The following GPRASP3 variants were observed in gnomAD, a reference collection of about 807,000 sequenced individuals.
GPRASP3 encodes G protein-coupled receptor associated sorting protein family member 3.
the GPRASP3 span, among the ~76,000 whole-genome samples, chrX:102,736,586 TC>T: frequency 1.8e-4 from 20 of 111,297 alleles, no homozygotes; most frequent in East Asian, 5.1e-3. Flanking sequence ...GGATCCTGAA[TC>T]CCCAAAAGAG....
the GPRASP3 span, among the ~76,000 whole-genome samples, chrX:102,735,651 G>A: frequency 2.7e-5 from 3 of 111,204 alleles, no homozygotes; most frequent in Non-Finnish European, 5.7e-5. Context: ...CTTGTGATCC[G>A]CCTGCCTCGG....
At chrX:102,730,641 G>C in the GPRASP3 span, among the ~76,000 whole-genome samples, 9 of 111,711 alleles carry the variant, frequency 8.1e-5, no homozygotes, top group African/African-American at 2.9e-4. Context: ...GCAGGCTAGA[G>C]GGGAAGAGGG....
chrX:102,728,710 C>A, the GPRASP3 span, among the ~76,000 whole-genome samples: 1 of 108,733 alleles, frequency 9.2e-6, no homozygotes, highest in African/African-American at 3.4e-5. Context: ...AGCCACCACA[C>A]CCAGCCCATT....
chrX:102,733,714 CT>C, the GPRASP3 span, among the ~76,000 whole-genome samples: 1 of 108,677 alleles, frequency 9.2e-6, no homozygotes, highest in South Asian at 4.0e-4. Flanking sequence ...CCCTGTTCTG[CT>C]TGATATTCAT....
At chrX:102,732,753 G>T in the GPRASP3 span, among the ~76,000 whole-genome samples, 6 of 111,506 alleles carry the variant, frequency 5.4e-5, no homozygotes, top group Non-Finnish European at 1.1e-4. Flanking sequence ...TTTCACATAG[G>T]CTTTTAAAAT....
At chrX:102,749,832 T>C in the GPRASP3 span, 3 of 1,208,391 alleles carry the variant, frequency 2.5e-6, no homozygotes, top group Non-Finnish European at 2.2e-6. Flanking sequence ...AGCCTATCCC[T>C]GAGTGTCGTT....
chrX:102,741,776 CCTTA>C, the GPRASP3 span, among the ~76,000 whole-genome samples: 1 of 111,889 alleles, frequency 8.9e-6, no homozygotes, highest in African/African-American at 3.3e-5. Flanking sequence ...AAACAAAACC[CCTTA>C]CTTACAGAGG....
the GPRASP3 span, among the ~76,000 whole-genome samples, chrX:102,740,866 GAAGA>G: frequency 4.7e-5 from 5 of 107,344 alleles, no homozygotes; most frequent in South Asian, 1.7e-3. Context: ...AGGAAAGAAA[GAAGA>G]AAGAAAAGAA....
the GPRASP3 span, among the ~76,000 whole-genome samples, chrX:102,730,568 A>T: frequency 8.9e-6 from 1 of 112,550 alleles, no homozygotes; most frequent in African/African-American, 3.2e-5. Flanking sequence ...TCACAGAAAC[A>T]GTCTGTGGTC....
At chrX:102,740,030 CAG>C in the GPRASP3 span, among the ~76,000 whole-genome samples, 1 of 112,127 alleles carries the variant, frequency 8.9e-6, no homozygotes, top group Admixed American at 9.4e-5. Flanking sequence ...ACACAGAAAA[CAG>C]AAGAATGGGT....
the GPRASP3 span, among the ~76,000 whole-genome samples, chrX:102,748,289 G>A: frequency 8.9e-6 from 1 of 111,899 alleles, no homozygotes; most frequent in Non-Finnish European, 1.9e-5. Context: ...TAACTATAGG[G>A]CATATCAACA....
At chrX:102,728,920 A>AC in the GPRASP3 span, among the ~76,000 whole-genome samples, 3 of 111,945 alleles carry the variant, frequency 2.7e-5, no homozygotes, top group Non-Finnish European at 1.9e-5. Flanking sequence ...ACAGTTGACT[A>AC]CCCCAAATTC....
the GPRASP3 span, among the ~76,000 whole-genome samples, chrX:102,730,381 T>C: frequency 8.9e-6 from 1 of 112,658 alleles, no homozygotes; most frequent in Non-Finnish European, 1.9e-5. Flanking sequence ...TCCTGCTGTG[T>C]GACCCAGTTC....
At chrX:102,748,870 CA>C in the GPRASP3 span, 20 of 676,454 alleles carry the variant, frequency 3.0e-5, no homozygotes, top group Admixed American at 7.1e-4. Flanking sequence ...GCAGAACTGA[CA>C]GTTGACTCTA....
At chrX:102,735,127 G>A in the GPRASP3 span, among the ~76,000 whole-genome samples, 11 of 111,887 alleles carry the variant, frequency 9.8e-5, no homozygotes, top group African/African-American at 3.6e-4. Flanking sequence ...AATATTACAC[G>A]AAAATCTTGT....
chrX:102,731,292 C>T, the GPRASP3 span, among the ~76,000 whole-genome samples: 2 of 111,851 alleles, frequency 1.8e-5, no homozygotes, highest in African/African-American at 3.3e-5. Context: ...AAAAAGAGAC[C>T]GAGGCAAATT....
At chrX:102,720,964 A>G in the GPRASP3 span, 1 of 112,255 alleles carries the variant, frequency 8.9e-6, no homozygotes, top group African/African-American at 3.2e-5. Context: ...CAGGAGCTCA[A>G]GAAGCAGAGA....
At chrX:102,722,634 T>C in the GPRASP3 span, among the ~76,000 whole-genome samples, 3 of 111,606 alleles carry the variant, frequency 2.7e-5, no homozygotes, top group East Asian at 8.5e-4. Flanking sequence ...AGCTATCTAG[T>C]GCACCCACCA....
the GPRASP3 span, among the ~76,000 whole-genome samples, chrX:102,743,465 T>TATAAA: frequency 0.011 from 1,217 of 111,629 alleles, 25 homozygotes; most frequent in African/African-American, 0.038. Flanking sequence ...AATAGTACTT[T>TATAAA]ATAAATTTAT....
Sources: allele counts gnomAD v4.1 joint callset (sites outside exome capture counted in the v4.1 genomes callset), GRCh38; gene constraint gnomAD v4.1.1; transcripts MANE v1.5; gene names NCBI Gene and HGNC (gene_info 2026-07-23, HGNC 2026-07-21).